The following F8 variants were observed in gnomAD, a reference collection of about 807,000 sequenced individuals.
F8 encodes antihemophilic factor.
In F8, 12 loss-of-function variants were observed where a neutral mutation model predicts 140.6. That is an observed-to-expected ratio of 0.09 (90% confidence interval 0.05 to 0.14). F8 has a LOEUF of 0.14. Ranked by LOEUF, F8 falls within the 10% of genes least tolerant of loss-of-function variation. The probability of loss-of-function intolerance (pLI) is 1.00; values close to 1 mark genes in which losing one functional copy is unlikely to be tolerated. For synonymous variants in F8, 585 were observed against 614.6 expected, an observed-to-expected ratio of 0.95 and a Z score of 0.71; for missense variants, 1,354 against 1,720.7, an observed-to-expected ratio of 0.79 and a Z score of 3.77.
chrX:154,975,245 C>T (rs1603435628), intron 6 of F8, among the ~76,000 whole-genome samples: 2 of 111,186 alleles, frequency 1.8e-5, no homozygotes, highest in East Asian at 2.8e-4. Context: ...ACTACTTTTG[C>T]TGTATCCCAT....
rs189735678 is a variant in F8 at position 155,013,323 on chromosome X, T to C, written c.143+9087A>G. Among the ~76,000 whole-genome samples, 492 of 110,031 alleles carry C rather than the reference T, an allele frequency of 4.5e-3. 1 individual carries two copies. The highest frequency in any genetic ancestry group is 0.015 in the African/African-American group (461 of 30,151). On this transcript the variant is annotated intron_variant, in intron 1 of 25. Transcript: ENST00000360256. ...TTTTCCCATGCTGTTCACATTATAG[T>C]GAATAAGTCTCATGAGGGCTGATGG...
rs781954587 is a variant in F8, at chrX:154,839,704, CTTAT to C, written c.6901-1956_6901-1953del. ...GACTCTTTTTTGTTCTAAATCTCAACTTATTTGTTTCCTTTGTAGCATTCAGTAT... is the reference window on the plus strand; with the variant it reads ...GACTCTTTTTTGTTCTAAATCTCAACTTGTTTCCTTTGTAGCATTCAGTAT... On this transcript the variant is annotated intron_variant, in intron 25 of 25. Transcript: ENST00000360256. 9.9e-5 allele frequency among the ~76,000 whole-genome samples: 11 copies of C among 111,499 alleles called. No homozygotes were observed. In the South Asian group the frequency reaches 3.4e-3, roughly 34 times the overall value.
At chrX:154,921,699 C>A (rs1432465946) in intron 14 of F8, among the ~76,000 whole-genome samples, 4 of 111,177 alleles carry the variant, frequency 3.6e-5, no homozygotes, top group African/African-American at 9.8e-5. Context: ...CTATGCAGCC[C>A]TAAAAAAGGA....
intron 6 of F8, among the ~76,000 whole-genome samples, chrX:154,972,337 T>G (rs1013985861): frequency 3.7e-4 from 41 of 111,953 alleles, no homozygotes; most frequent in African/African-American, 1.2e-3. Context: ...GAAATGTCTA[T>G]TCAGGTCTTT....
At chrX:155,009,502 C>T (rs1386107341) in intron 1 of F8, among the ~76,000 whole-genome samples, 1 of 110,867 alleles carries the variant, frequency 9.0e-6, no homozygotes, top group Non-Finnish European at 1.9e-5. Context: ...TTTGGGAGGC[C>T]GAGGCGGGAG....
rs189754330 is a variant in F8, at chrX:154,862,134, C to T, written c.6575-268G>A. The stretch of plus-strand genomic sequence containing the variant: ...CTCTGCCTCCCGAGTTCAAGCGATT[C>T]TCTTGCCTCAGCCTCCCGAGTAGCT... On this transcript the variant is annotated intron_variant, in intron 23 of 25. Transcript: ENST00000360256. Among the ~76,000 whole-genome samples the T allele has an allele frequency of 2.9e-4, 32 of 111,294 alleles. 1 individual carries two copies. Among genetic ancestry groups the T allele is most frequent in the Admixed American group, 2.6e-3 (27 of 10,482 alleles).
intron 1 of F8, among the ~76,000 whole-genome samples, chrX:155,016,127 C>T (rs782140765): frequency 8.1e-5 from 9 of 110,719 alleles, no homozygotes; most frequent in Non-Finnish European, 1.1e-4. Context: ...GTCCTAGCTA[C>T]TCAGGAGGCT....
chrX:154,976,068 G>A (rs1331286826), intron 6 of F8, among the ~76,000 whole-genome samples: 1 of 110,716 alleles, frequency 9.0e-6, no homozygotes, highest in African/African-American at 3.3e-5. Context: ...GTTAATTTTT[G>A]TATTTTTAGT....
intron 5 of F8, 74 bp downstream of exon 5, chrX:154,987,163 C>G (rs1444569586): frequency 2.4e-6 from 2 of 828,252 alleles, no homozygotes; most frequent in African/African-American, 4.1e-5. Context: ...TATGATCTTT[C>G]TATAATCACC....
chrX:155,021,305 A>C (rs896552250), intron 1 of F8, among the ~76,000 whole-genome samples: 9 of 111,391 alleles, frequency 8.1e-5, no homozygotes, highest in Non-Finnish European at 1.5e-4. Flanking sequence ...ATGTGGAAAG[A>C]GGGTGGGGAG....
intron 16 of F8, 33 bp downstream of exon 16, chrX:154,904,778 A>G: frequency 1.7e-6 from 2 of 1,177,302 alleles, no homozygotes; most frequent in Non-Finnish European, 2.3e-6. Flanking sequence ...CTTTTAAACC[A>G]AAAAGTGGTC....
intron 6 of F8, among the ~76,000 whole-genome samples, chrX:154,978,331 A>AT (rs1440774125): frequency 9.0e-6 from 1 of 111,254 alleles, no homozygotes; most frequent in African/African-American, 3.3e-5. Flanking sequence ...GTAAACTATG[A>AT]TTTTTTTATT....
At chrX:154,847,729 G>A (rs187128048) in intron 25 of F8, among the ~76,000 whole-genome samples, 4 of 112,048 alleles carry the variant, frequency 3.6e-5, no homozygotes, top group South Asian at 3.7e-4. Flanking sequence ...TGATGGGTTC[G>A]AACTTCCTCC....
At chrX:154,942,463 C>G (rs1392095191) in intron 13 of F8, among the ~76,000 whole-genome samples, 17 of 109,277 alleles carry the variant, frequency 1.6e-4, no homozygotes, top group African/African-American at 5.3e-4. Flanking sequence ...CAAGACTAAA[C>G]CAGGAAGAAG....
chrX:154,857,573 G>A (rs782734922), intron 25 of F8, among the ~76,000 whole-genome samples: 1 of 112,105 alleles, frequency 8.9e-6, no homozygotes, highest in Non-Finnish European at 1.9e-5. Flanking sequence ...AGGACAGTGG[G>A]CAGAATTTTA....
chrX:154,842,409 T>C (rs782064035), intron 25 of F8, among the ~76,000 whole-genome samples: 2 of 112,037 alleles, frequency 1.8e-5, no homozygotes, highest in South Asian at 7.3e-4. Context: ...CACTAGCTTC[T>C]TGAGACATAC....
rs371191000 is a variant in F8 at position 154,988,802 on chromosome X, G to C, written c.602-1497C>G. On this transcript the variant is annotated intron_variant, in intron 4 of 25. Coordinates refer to ENST00000360256, the MANE Select transcript of F8 (RefSeq NM_000132.4). ...ACAAAGCCATGGCCCTAAACAAAGA[G>C]TGAGCAGCAGCTGTGCTCAGCTCTC... Among the ~76,000 whole-genome samples, 7 of 111,716 alleles carry C rather than the reference G, an allele frequency of 6.3e-5. No homozygotes were observed. In the South Asian group the frequency reaches 2.6e-3, roughly 42 times the overall value.
At chrX:155,011,121 C>T (rs2073704309) in intron 1 of F8, among the ~76,000 whole-genome samples, 1 of 111,532 alleles carries the variant, frequency 9.0e-6, no homozygotes, top group Non-Finnish European at 1.9e-5. Flanking sequence ...AAAATACTAC[C>T]CACAGAATGG....
chrX:154,869,019 C>T (rs1400779527), intron 22 of F8, among the ~76,000 whole-genome samples: 1 of 111,684 alleles, frequency 9.0e-6, no homozygotes, highest in East Asian at 2.8e-4. Context: ...TACATATGCA[C>T]CCAATACAGG....
Sources: gnomAD v4.1 joint callset for allele counts (sites outside exome capture counted in the v4.1 genomes callset) on GRCh38, gnomAD v4.1.1 for gene constraint, MANE v1.5 for transcripts, NCBI Gene and HGNC (gene_info 2026-07-23, HGNC 2026-07-21) for gene names.